The following PARD3B variants were observed in gnomAD, a reference collection of about 807,000 sequenced individuals.
PARD3B encodes the protein par-3 family cell polarity regulator beta.
PARD3B carries 103 observed loss-of-function variants against 130.2 expected under a neutral mutation model. The ratio of observed to expected loss-of-function variants is 0.79; its 90% CI spans 0.67 to 0.93. The LOEUF (loss-of-function observed/expected upper bound fraction) is 0.93. Ranked by LOEUF, PARD3B falls within the 40% of genes least tolerant of loss-of-function variation. PARD3B has a pLI of 0.00. For synonymous variants in PARD3B, 583 were observed against 553.2 expected (o/e 1.05, Z -0.76); for missense variants, 1,609 against 1,499.2 (o/e 1.07, Z -1.21).
chr2:204,731,917 C>T (rs952720432), intron 2 of PARD3B, among the ~76,000 whole-genome samples: 1 of 152,026 alleles, frequency 6.6e-6, no homozygotes, highest in African/African-American at 2.4e-5. Context: ...AACTCTCTAA[C>T]ACCCGTTTTA....
At chr2:204,996,366 G>A (rs1389983217) in intron 3 of PARD3B, among the ~76,000 whole-genome samples, 1 of 152,030 alleles carries the variant, frequency 6.6e-6, no homozygotes, top group Non-Finnish European at 1.5e-5. Context: ...TGCCCCTGCT[G>A]GGGGGTGCCT....
chr2:205,415,800 A>G (rs1244018387), intron 19 of PARD3B, among the ~76,000 whole-genome samples: 1 of 152,182 alleles, frequency 6.6e-6, no homozygotes, highest in Non-Finnish European at 1.5e-5. Context: ...TAAGTTCTCA[A>G]AGATATACTG....
At chr2:205,299,687 A>G (rs1160867551) in intron 16 of PARD3B, among the ~76,000 whole-genome samples, 2 of 152,010 alleles carry the variant, frequency 1.3e-5, no homozygotes, top group Non-Finnish European at 2.9e-5. Context: ...GGGAGGGGGC[A>G]GGTAGAGGGC....
intron 4 of PARD3B, among the ~76,000 whole-genome samples, chr2:205,093,195 T>C (rs1702211110): frequency 6.6e-6 from 1 of 152,116 alleles, no homozygotes; most frequent in Non-Finnish European, 1.5e-5. Flanking sequence ...CCAGACGTCA[T>C]AAATATATAT....
intron 16 of PARD3B, among the ~76,000 whole-genome samples, chr2:205,250,233 T>C (rs1252695442): frequency 6.7e-6 from 1 of 150,122 alleles, no homozygotes; most frequent in Non-Finnish European, 1.5e-5. Flanking sequence ...AGTGTCTTCT[T>C]TTTTTTTTGT....
chr2:205,573,202 G>A (rs1399441138), intron 22 of PARD3B, among the ~76,000 whole-genome samples: 1 of 152,172 alleles, frequency 6.6e-6, no homozygotes, highest in African/African-American at 2.4e-5. Context: ...TGAGATTTGG[G>A]TGGGGACATA....
Position 205,125,580 on chromosome 2 carries a change from G to A in PARD3B, c.1306-29G>A, listed in dbSNP as rs1559464298. On this transcript the variant is annotated intron_variant, in intron 9 of 22. Coordinates refer to ENST00000406610, the MANE Select transcript of PARD3B (RefSeq NM_001302769.2). The surrounding 1 kb of genome is among the most constrained non-coding windows in gnomAD (Gnocchi z 4.0). Reference sequence around the variant, plus strand: ...GAAGGAGATAACAAGTATTGTGATTGTGGCTGTTCATATGCTTTTATTCAT... The same window carrying A: ...GAAGGAGATAACAAGTATTGTGATTATGGCTGTTCATATGCTTTTATTCAT... The A allele has an allele frequency of 1.2e-6, 2 of 1,609,874 alleles. No homozygotes were observed. The highest frequency in any genetic ancestry group is 1.7e-6 in the Non-Finnish European group (2 of 1,177,484).
chr2:204,676,904 G>T (rs1299554278), intron 1 of PARD3B, among the ~76,000 whole-genome samples: 1 of 152,114 alleles, frequency 6.6e-6, no homozygotes, highest in East Asian at 1.9e-4. Flanking sequence ...TCCTGACGTC[G>T]TGATCCACCC....
chr2:205,454,117 G>C (rs1335221254), intron 20 of PARD3B, among the ~76,000 whole-genome samples: 1 of 152,120 alleles, frequency 6.6e-6, no homozygotes, highest in Non-Finnish European at 1.5e-5. Context: ...CTTGGGCTTT[G>C]ACCTACTTCT....
chr2:205,434,539 T>G (rs1259888588), intron 19 of PARD3B, among the ~76,000 whole-genome samples: 1 of 152,270 alleles, frequency 6.6e-6, no homozygotes, highest in African/African-American at 2.4e-5. Context: ...AGTTTCATAT[T>G]AATAGAGAAT....
At chr2:205,113,844 A>G (rs951661320) in intron 6 of PARD3B, among the ~76,000 whole-genome samples, 7 of 152,186 alleles carry the variant, frequency 4.6e-5, no homozygotes, top group African/African-American at 4.8e-5. Flanking sequence ...TCAGTGACAC[A>G]TAGTAAACAG....
At chr2:205,204,011 C>A (rs1013127773) in intron 15 of PARD3B, among the ~76,000 whole-genome samples, 3 of 152,156 alleles carry the variant, frequency 2.0e-5, no homozygotes, top group African/African-American at 7.2e-5. Flanking sequence ...GGTTCTGGAT[C>A]CTTGAGGAAT....
chr2:204,746,976 G>A (rs2040259192), intron 2 of PARD3B, among the ~76,000 whole-genome samples: 1 of 152,100 alleles, frequency 6.6e-6, no homozygotes, highest in South Asian at 2.1e-4. Context: ...AAGCTCTTTA[G>A]TTTAATTAGA....
intron 15 of PARD3B, among the ~76,000 whole-genome samples, chr2:205,235,175 A>G (rs1273982011): frequency 6.6e-6 from 1 of 152,112 alleles, no homozygotes; most frequent in Non-Finnish European, 1.5e-5. Context: ...AATCACAGCA[A>G]TTTGGGAGGC....
At chr2:205,331,105 A>G (rs540603729) in intron 18 of PARD3B, among the ~76,000 whole-genome samples, 1 of 152,310 alleles carries the variant, frequency 6.6e-6, no homozygotes, top group South Asian at 2.1e-4. Context: ...AAGTACATAC[A>G]CATAAACATA....
In PARD3B at chr2:205,046,742, C is replaced by T. The variant is rs546115126; in HGVS notation, c.395-839C>T. Among the ~76,000 whole-genome samples, 17 of 152,178 alleles carry T rather than the reference C, an allele frequency of 1.1e-4. 1 individual carries two copies. The highest frequency in any genetic ancestry group is 3.4e-3 in the Middle Eastern group (1 of 294). On this transcript the variant is annotated intron_variant, in intron 3 of 22. Coordinates refer to ENST00000406610, the MANE Select transcript of PARD3B (RefSeq NM_001302769.2). ...TTTTCCCAAAAGTACAAAAATAAAA[C>T]GCTAATTTTTATATGAGAGTGATTT...
intron 13 of PARD3B, among the ~76,000 whole-genome samples, chr2:205,178,024 G>A (rs757712974): frequency 4.0e-5 from 6 of 151,500 alleles, no homozygotes; most frequent in Non-Finnish European, 7.4e-5. Flanking sequence ...GCTGACTTTA[G>A]ACCGGGCACA....
chr2:204,896,817 C>G (rs138991053), intron 2 of PARD3B, among the ~76,000 whole-genome samples: 3 of 152,248 alleles, frequency 2.0e-5, no homozygotes, highest in East Asian at 3.9e-4. Flanking sequence ...TTCTGAGTCT[C>G]TAAGACCAAG....
chr2:205,179,769 G>A (rs1385317977), intron 13 of PARD3B, among the ~76,000 whole-genome samples: 3 of 151,986 alleles, frequency 2.0e-5, no homozygotes, highest in South Asian at 4.2e-4. Context: ...TAAGTAAATG[G>A]AATAATATCT....
Sources: allele counts gnomAD v4.1 joint callset (sites outside exome capture counted in the v4.1 genomes callset), GRCh38; gene constraint gnomAD v4.1.1; non-coding constraint Gnocchi (gnomAD v3.1); transcripts MANE v1.5; gene names NCBI Gene and HGNC (gene_info 2026-07-23, HGNC 2026-07-21).